The following HPSE2 variants were observed in gnomAD, a reference collection of about 807,000 sequenced individuals.
HPSE2 encodes inactive heparanase-2.
HPSE2 carries 38 observed loss-of-function variants against 60.5 expected under a neutral mutation model. The ratio of observed to expected loss-of-function variants is 0.63; its 90% CI spans 0.48 to 0.82. The LOEUF (loss-of-function observed/expected upper bound fraction) is 0.82. HPSE2 is among the 40% of genes least tolerant of loss of function. HPSE2 has a pLI of 0.00. For synonymous variants in HPSE2, 295 were observed against 293.2 expected (o/e 1.01, Z -0.06); for missense variants, 713 against 740.4 (o/e 0.96, Z 0.43).
intron 4 of HPSE2, among the ~76,000 whole-genome samples, chr10:98,743,365 G>C (rs146562920): frequency 6.6e-6 from 1 of 152,272 alleles, no homozygotes; most frequent in African/African-American, 2.4e-5. Flanking sequence ...GAAATGCTGG[G>C]TTAAAAAATG....
rs1370399898 is a variant in HPSE2 at position 98,942,206 on chromosome 10, C to A, written c.611-198150G>T. 5.6e-4 allele frequency among the ~76,000 whole-genome samples: 78 copies of A among 140,328 alleles called. 4 individuals carry two copies. The highest frequency in any genetic ancestry group is 3.6e-3 in the Middle Eastern group (1 of 274). The allele number at this position is 140,328 out of a possible 152,430, so 92.1% of individuals were successfully genotyped here. A position where few individuals can be genotyped will look rare whatever the true frequency, so the allele number is the denominator to read the frequency against. ...ATGTCTAAAACACCAAAAGCAATGG[C>A]AACAAAAGCCAAAATTGACAAATGG... On this transcript the variant is annotated intron_variant, in intron 3 of 11. Transcript: ENST00000370552.
At chr10:99,179,069 C>A (rs966534907) in intron 2 of HPSE2, among the ~76,000 whole-genome samples, 1 of 152,076 alleles carries the variant, frequency 6.6e-6, no homozygotes, top group African/African-American at 2.4e-5. Context: ...AAATTCAACA[C>A]CCCTTCATGC....
At chr10:98,704,378 G>C (rs895823656) in intron 5 of HPSE2, among the ~76,000 whole-genome samples, 1 of 151,358 alleles carries the variant, frequency 6.6e-6, no homozygotes, top group Non-Finnish European at 1.5e-5. Flanking sequence ...AACTACCATT[G>C]ACATTTTTCA....
intron 3 of HPSE2, among the ~76,000 whole-genome samples, chr10:99,004,698 T>G (rs2496707): frequency 0.92 from 140,680 of 152,166 alleles, 65,383 homozygotes; most frequent in East Asian, 0.99. Context: ...TAGTATTAGA[T>G]AATTCTAAAT....
chr10:98,534,550 G>A (rs910308761), intron 9 of HPSE2, among the ~76,000 whole-genome samples: 1 of 151,986 alleles, frequency 6.6e-6, no homozygotes, highest in African/African-American at 2.4e-5. Flanking sequence ...GATTATAGGC[G>A]TGTGCCACCA....
At chr10:98,833,026 C>A (rs117214123) in intron 3 of HPSE2, among the ~76,000 whole-genome samples, 1 of 152,272 alleles carries the variant, frequency 6.6e-6, no homozygotes, top group East Asian at 1.9e-4. Context: ...ACAGCTGGCA[C>A]CACTGCATAA....
At chr10:98,906,913 A>C (rs904631765) in intron 3 of HPSE2, among the ~76,000 whole-genome samples, 4 of 152,188 alleles carry the variant, frequency 2.6e-5, no homozygotes, top group African/African-American at 9.7e-5. Flanking sequence ...AAAAAAAAAA[A>C]AAAATGCTAG....
At chr10:98,704,664 A>C (rs1390152327) in intron 5 of HPSE2, among the ~76,000 whole-genome samples, 3 of 152,198 alleles carry the variant, frequency 2.0e-5, no homozygotes, top group African/African-American at 7.2e-5. Context: ...TGGAGAAAGG[A>C]TTCCCTATTT....
chr10:99,032,730 G>A (rs1035692924), intron 3 of HPSE2, among the ~76,000 whole-genome samples: 29 of 152,296 alleles, frequency 1.9e-4, no homozygotes, highest in African/African-American at 6.0e-4. Context: ...ATTCCATTCT[G>A]GAAGCTCTAA....
chr10:98,479,737 T>C (rs1188439199), intron 11 of HPSE2, among the ~76,000 whole-genome samples: 1 of 152,206 alleles, frequency 6.6e-6, no homozygotes, highest in Non-Finnish European at 1.5e-5. Flanking sequence ...GGGGCTGGAA[T>C]CCAGTTCCCT....
At chr10:99,020,477 G>A (rs1471986107) in intron 3 of HPSE2, among the ~76,000 whole-genome samples, 1 of 152,158 alleles carries the variant, frequency 6.6e-6, no homozygotes. Context: ...GCATTTCAGT[G>A]TGCTTTCCCT....
At chr10:99,223,444 A>G (rs1341771687) in intron 2 of HPSE2, among the ~76,000 whole-genome samples, 1 of 152,144 alleles carries the variant, frequency 6.6e-6, no homozygotes, top group Admixed American at 6.5e-5. Context: ...CCAGCTTTCT[A>G]ACTTCGCATT....
chr10:98,627,211 G>T (rs1053233619), intron 7 of HPSE2, among the ~76,000 whole-genome samples: 3 of 152,090 alleles, frequency 2.0e-5, no homozygotes, highest in Non-Finnish European at 4.4e-5. Flanking sequence ...TAAAAGTTAC[G>T]CCTGTAGCCC....
At chr10:98,713,377 C>T (rs778995228) in intron 5 of HPSE2, among the ~76,000 whole-genome samples, 6 of 151,868 alleles carry the variant, frequency 4.0e-5, no homozygotes, top group Non-Finnish European at 5.9e-5. Flanking sequence ...ACAAGATGCA[C>T]GCAAGCAGAG....
At chr10:98,912,056 C>T (rs1474201093) in intron 3 of HPSE2, among the ~76,000 whole-genome samples, 2 of 152,264 alleles carry the variant, frequency 1.3e-5, no homozygotes, top group Middle Eastern at 3.4e-3. Context: ...ATATTAGTAA[C>T]ATATGCATTG....
chr10:99,026,616 C>CTGA (rs369211693), intron 3 of HPSE2, among the ~76,000 whole-genome samples: 12 of 111,424 alleles, frequency 1.1e-4, no homozygotes, highest in African/African-American at 5.6e-4. Flanking sequence ...CACTACAGAT[C>CTGA]AAATGGATCT....
chr10:99,300,097 C>T, the HPSE2 span, among the ~76,000 whole-genome samples: 6 of 151,758 alleles, frequency 4.0e-5, no homozygotes, highest in Non-Finnish European at 8.8e-5. Flanking sequence ...CCTACTGCCT[C>T]AGGGTTACCC....
At chr10:98,830,751 C>G (rs908395632) in intron 3 of HPSE2, among the ~76,000 whole-genome samples, 8 of 152,284 alleles carry the variant, frequency 5.3e-5, no homozygotes, top group South Asian at 2.1e-4. Flanking sequence ...TTTAACTTAG[C>G]ATCCTTTGGT....
chr10:98,577,989 CTTA>C (rs1944688844), intron 9 of HPSE2, among the ~76,000 whole-genome samples: 1 of 152,184 alleles, frequency 6.6e-6, no homozygotes, highest in East Asian at 1.9e-4. Flanking sequence ...GGAAATCTGC[CTTA>C]TTATTAACCC....
Sources: gnomAD v4.1 joint callset for allele counts (sites outside exome capture counted in the v4.1 genomes callset) on GRCh38, gnomAD v4.1.1 for gene constraint, MANE v1.5 for transcripts, NCBI Gene and HGNC (gene_info 2026-07-23, HGNC 2026-07-21) for gene names.